The following RASAL2 variants were observed in gnomAD, a reference collection of about 807,000 sequenced individuals.
The protein encoded by RASAL2 is ras GTPase-activating protein nGAP.
In RASAL2, 58 loss-of-function variants were observed where a neutral mutation model predicts 128.9. That is an observed-to-expected ratio of 0.45 (90% CI 0.36 to 0.56). The LOEUF (loss-of-function observed/expected upper bound fraction) is 0.56, where lower values mean the gene tolerates loss of function less well. RASAL2 is among the 20% of genes least tolerant of loss of function. The probability of loss-of-function intolerance (pLI) is 0.00; values close to 1 mark genes in which losing one functional copy is unlikely to be tolerated. For missense variants in RASAL2, 1,360 were observed against 1,601.6 expected, an observed-to-expected ratio of 0.85 and a Z score of 2.57; for synonymous variants, 561 against 580.8, an observed-to-expected ratio of 0.97 and a Z score of 0.49.
chr1:178,180,663 T>TCTCACACACACACACACACACACA (rs1553256843), intron 1 of RASAL2, among the ~76,000 whole-genome samples: 3 of 139,156 alleles, frequency 2.2e-5, no homozygotes, highest in African/African-American at 5.4e-5. Flanking sequence ...CGAGACTGTC[T>TCTCACACACACACACACACACACA]CACACACACA....
At chr1:178,403,447 G>C (rs927675534) in intron 4 of RASAL2, among the ~76,000 whole-genome samples, 10 of 152,118 alleles carry the variant, frequency 6.6e-5, no homozygotes, top group African/African-American at 2.4e-4. Flanking sequence ...AAGATTCATA[G>C]GGAATATAAA....
At chr1:178,216,956 A>G (rs1663440565) in intron 1 of RASAL2, among the ~76,000 whole-genome samples, 1 of 151,640 alleles carries the variant, frequency 6.6e-6, no homozygotes, top group Admixed American at 6.6e-5. Context: ...AATTTTTTTT[A>G]AGTAGATTTT....
chr1:178,393,962 A>T lies in RASAL2; in HGVS notation c.564+3756A>T, dbSNP rs532808005. On this transcript the variant is annotated intron_variant, in intron 4 of 17. Transcript: ENST00000367649. ...AAATATGTAATTACATTTAATAAAC[A>T]TTTAATAAGAGATCATGTGGGATAA... 3.3e-5 allele frequency among the ~76,000 whole-genome samples: 5 copies of T among 152,368 alleles called. No individual in the cohort carries two copies. In the South Asian group the frequency reaches 1.0e-3, roughly 32 times the overall value.
At chr1:178,180,226 T>C (rs770730927) in intron 1 of RASAL2, among the ~76,000 whole-genome samples, 1 of 152,172 alleles carries the variant, frequency 6.6e-6, no homozygotes, top group Non-Finnish European at 1.5e-5. Flanking sequence ...GATACTTAGC[T>C]TCTTTCATAA....
chr1:178,171,798 A>G (rs1226462788), intron 1 of RASAL2, among the ~76,000 whole-genome samples: 2 of 152,014 alleles, frequency 1.3e-5, no homozygotes, highest in African/African-American at 4.8e-5. Context: ...TCTTATGGGA[A>G]TATACCATGA....
intron 1 of RASAL2, among the ~76,000 whole-genome samples, chr1:178,281,544 G>A (rs1400939608): frequency 6.6e-6 from 1 of 152,066 alleles, no homozygotes; most frequent in Non-Finnish European, 1.5e-5. Flanking sequence ...TCAATATCCT[G>A]TATTAAAATT....
At chr1:178,305,904 G>A (rs1010588210) in intron 3 of RASAL2, among the ~76,000 whole-genome samples, 3 of 152,186 alleles carry the variant, frequency 2.0e-5, no homozygotes, top group Non-Finnish European at 2.9e-5. Flanking sequence ...ACTAGCAAAG[G>A]AAGAACTAAA....
intron 5 of RASAL2, among the ~76,000 whole-genome samples, chr1:178,429,641 A>G (rs139481704): frequency 3.7e-4 from 56 of 152,238 alleles, no homozygotes; most frequent in African/African-American, 1.2e-3. Flanking sequence ...TAATACTTCT[A>G]TAAATCTGTA....
chr1:178,213,138 C>CAAT (rs1663312291), intron 1 of RASAL2, among the ~76,000 whole-genome samples: 2 of 152,120 alleles, frequency 1.3e-5, no homozygotes, highest in African/African-American at 4.8e-5. Flanking sequence ...CTGGCTCAAG[C>CAAT]AATACTGCCA....
At chr1:178,407,528 A>T (rs1019350104) in intron 4 of RASAL2, among the ~76,000 whole-genome samples, 2 of 152,200 alleles carry the variant, frequency 1.3e-5, no homozygotes, top group South Asian at 4.1e-4. Context: ...GAAAAGCAAG[A>T]ATGAAAACAA....
chr1:178,391,926 A>G (rs1672930824), intron 4 of RASAL2, among the ~76,000 whole-genome samples: 1 of 152,190 alleles, frequency 6.6e-6, no homozygotes, highest in African/African-American at 2.4e-5. Flanking sequence ...GGACCCCAAA[A>G]TTATAGTAGT....
intron 15 of RASAL2, 47 bp from the exon 16 acceptor site, chr1:178,465,873 A>G: frequency 2.2e-6 from 3 of 1,358,116 alleles, no homozygotes; most frequent in Non-Finnish European, 3.0e-6. Context: ...CTGATTTCTA[A>G]AAGCAATGTG....
chr1:178,377,363 T>A (rs1441009992), intron 3 of RASAL2, among the ~76,000 whole-genome samples: 1 of 152,104 alleles, frequency 6.6e-6, no homozygotes, highest in East Asian at 1.9e-4. Context: ...CAAACACTTT[T>A]AACTAAATGG....
chr1:178,125,397 C>T (rs925407018), intron 1 of RASAL2: 7 of 151,994 alleles, frequency 4.6e-5, no homozygotes, highest in African/African-American at 7.3e-5. Flanking sequence ...CTTTGTGTTG[C>T]TGTGAAGGAA....
intron 5 of RASAL2, among the ~76,000 whole-genome samples, chr1:178,429,025 A>G (rs1675713109): frequency 6.6e-6 from 1 of 152,086 alleles, no homozygotes; most frequent in African/African-American, 2.4e-5. Flanking sequence ...TTTGAAGCTG[A>G]CTTTTCTCTC....
At chr1:178,287,397 C>T (rs1571783755) in intron 2 of RASAL2, among the ~76,000 whole-genome samples, 1 of 151,448 alleles carries the variant, frequency 6.6e-6, no homozygotes, top group East Asian at 1.9e-4. Context: ...CCTCTCCACC[C>T]ACCTTGTTGT....
rs75030207 is a variant in RASAL2, at chr1:178,360,459, T to C, written c.458-29641T>C. Among the ~76,000 whole-genome samples, 326 of 152,326 alleles carry C rather than the reference T, an allele frequency of 2.1e-3. 2 individuals are homozygous for C. Among genetic ancestry groups the C allele is most frequent in the African/African-American group, 7.2e-3 (301 of 41,584 alleles). ...GGTGCAAACTCTTCAGAGGGGCCCA[T>C]AGGAAGCTTCCCTACTGAATAGTTC... On this transcript the variant is annotated intron_variant, in intron 3 of 17. Coordinates refer to ENST00000367649, the MANE Select transcript of RASAL2 (RefSeq NM_170692.4).
At chr1:178,418,270 T>C (rs1674901355) in intron 4 of RASAL2, among the ~76,000 whole-genome samples, 2 of 152,334 alleles carry the variant, frequency 1.3e-5, no homozygotes, top group South Asian at 4.1e-4. Context: ...TTGTGTGATA[T>C]ATGTATTATA....
chr1:178,135,551 G>C (rs1366738956), intron 1 of RASAL2, among the ~76,000 whole-genome samples: 1 of 144,262 alleles, frequency 6.9e-6, no homozygotes, highest in Non-Finnish European at 1.5e-5. Context: ...GAATTCCTAA[G>C]GCTAAACTGA....
Sources: allele counts gnomAD v4.1 joint callset (sites outside exome capture counted in the v4.1 genomes callset), GRCh38; gene constraint gnomAD v4.1.1; transcripts MANE v1.5; gene names NCBI Gene and HGNC (gene_info 2026-07-23, HGNC 2026-07-21).